Variants in SPAG16 observed in about 807,000 individuals in gnomAD.
SPAG16 encodes the protein sperm associated antigen 16.
Under a neutral mutation model 80.4 loss-of-function variants are expected in SPAG16, and 86 were observed. The ratio of observed to expected loss-of-function variants is 1.07; its 90% CI spans 0.90 to 1.28. The LOEUF is 1.28. SPAG16 is among the 50% of genes most tolerant of loss of function. SPAG16 has a pLI of 0.00. For synonymous variants in SPAG16, 294 were observed against 265.9 expected, an observed-to-expected ratio of 1.11 and a Z score of -1.03; for missense variants, 870 against 765.3, an observed-to-expected ratio of 1.14 and a Z score of -1.61.
In SPAG16 at chr2:213,929,936, G is replaced by A. The variant is rs754027519; in HGVS notation, c.1215-24G>A. ...AATTATGTTACTTTTTAAACAAGCT[G>A]TCTTTTTATGTTTTTGCAAATAGTG... On this transcript the variant is annotated intron_variant, in intron 11 of 15. Transcript: ENST00000331683. 5 of 1,593,850 alleles carry A rather than the reference G, an allele frequency of 3.1e-6. No individual in the cohort carries two copies. The African/African-American group carries it at 5.4e-5, about 17-fold the overall frequency.
chr2:214,270,911 AAAGTAT>A (rs1351411186), intron 15 of SPAG16, among the ~76,000 whole-genome samples: 1 of 152,184 alleles, frequency 6.6e-6, no homozygotes, highest in Non-Finnish European at 1.5e-5. Context: ...CTTCTAAAAC[AAAGTAT>A]AAGTTCCATG....
chr2:214,272,751 T>TA (rs1692129481), intron 15 of SPAG16, among the ~76,000 whole-genome samples: 1 of 152,214 alleles, frequency 6.6e-6, no homozygotes, highest in Non-Finnish European at 1.5e-5. Flanking sequence ...GCAATAAACA[T>TA]ACGTGTGCAT....
intron 10 of SPAG16, among the ~76,000 whole-genome samples, chr2:213,492,377 T>C (rs577826710): frequency 5.4e-4 from 82 of 151,914 alleles, no homozygotes; most frequent in South Asian, 3.7e-3. Context: ...AGTGAAACCC[T>C]CTCTCTACTA....
intron 15 of SPAG16, among the ~76,000 whole-genome samples, chr2:214,162,336 A>C (rs572637454): frequency 6.6e-6 from 1 of 152,290 alleles, no homozygotes; most frequent in South Asian, 2.1e-4. Flanking sequence ...TTAACATTCC[A>C]TTGACCATAA....
At chr2:213,470,843 T>C (rs1359321737) in intron 9 of SPAG16, among the ~76,000 whole-genome samples, 1 of 152,224 alleles carries the variant, frequency 6.6e-6, no homozygotes. Context: ...GATACAAATA[T>C]CTTCACAGTT....
chr2:213,952,576 C>T (rs1407382287), intron 12 of SPAG16, among the ~76,000 whole-genome samples: 4 of 151,900 alleles, frequency 2.6e-5, no homozygotes, highest in Non-Finnish European at 5.9e-5. Context: ...CTTCACTGGG[C>T]CAACACACAG....
chr2:213,866,181 T>C (rs929406711), intron 11 of SPAG16, among the ~76,000 whole-genome samples: 3 of 151,954 alleles, frequency 2.0e-5, no homozygotes, highest in African/African-American at 7.2e-5. Context: ...ATTTTTAGTT[T>C]CATTACCTAG....
In SPAG16 at chr2:213,690,530, A is replaced by G. The variant is rs145323819; in HGVS notation, c.1071-171955A>G. 2.9e-3 allele frequency among the ~76,000 whole-genome samples: 442 copies of G among 152,354 alleles called. 2 individuals are homozygous for G. The highest frequency in any genetic ancestry group is 9.1e-3 in the African/African-American group (379 of 41,598). The stretch of plus-strand genomic sequence containing the variant: ...GGGATGCCTAGATGGCTGATGAAGC[A>G]TGTTAATAGATGTGTCTGTGAGGGA... On this transcript the variant is annotated intron_variant, in intron 10 of 15. Transcript: ENST00000331683.
At chr2:213,979,140 G>A (rs1346752351) in intron 12 of SPAG16, among the ~76,000 whole-genome samples, 3 of 152,012 alleles carry the variant, frequency 2.0e-5, no homozygotes, top group African/African-American at 4.8e-5. Flanking sequence ...TAGACAGGGT[G>A]TACAGAAGGG....
rs190017345 is a variant in SPAG16 at position 213,999,454 on chromosome 2, C to A, written c.1401-14497C>A. Among the ~76,000 whole-genome samples, 374 of 152,302 alleles carry A rather than the reference C, an allele frequency of 2.5e-3. 2 individuals carry two copies. The highest frequency in any genetic ancestry group is 8.6e-3 in the African/African-American group (357 of 41,560). ...GATTTGAGAACATGTATGGAAATGCCTGGATGTCCAGGCAGAAGTTTGCTG... is the reference window on the plus strand; with the variant it reads ...GATTTGAGAACATGTATGGAAATGCATGGATGTCCAGGCAGAAGTTTGCTG... On this transcript the variant is annotated intron_variant, in intron 12 of 15. Transcript: ENST00000331683.
At chr2:214,232,706 A>G (rs1688788223) in intron 15 of SPAG16, among the ~76,000 whole-genome samples, 1 of 152,014 alleles carries the variant, frequency 6.6e-6, no homozygotes, top group Non-Finnish European at 1.5e-5. Flanking sequence ...TATAATAACA[A>G]ATGAATTATA....
intron 10 of SPAG16, among the ~76,000 whole-genome samples, chr2:213,838,714 A>T (rs1013006929): frequency 6.6e-6 from 1 of 152,252 alleles, no homozygotes; most frequent in Non-Finnish European, 1.5e-5. Flanking sequence ...ACAGAGCACA[A>T]GAAGCTGATT....
intron 13 of SPAG16, among the ~76,000 whole-genome samples, chr2:214,059,186 CTATATATATATATATA>C (rs36006046): frequency 8.7e-6 from 1 of 114,390 alleles, no homozygotes; most frequent in Non-Finnish European, 1.7e-5. Context: ...CTCTCTCTGT[CTATATATATATATATA>C]TATATATATA....
chr2:213,296,164 T>C lies in SPAG16; in HGVS notation c.183+54T>C, dbSNP rs748358555. On this transcript the variant is annotated intron_variant, in intron 2 of 15. Coordinates refer to ENST00000331683, the MANE Select transcript of SPAG16 (RefSeq NM_024532.5). ...TGTAAATTTATTGCAGTCATTCTCA[T>C]GAAATGCTCATTTTATTTTCTGAAA... 3.2e-6 allele frequency: 4 copies of C among 1,251,210 alleles called. No homozygotes were observed. In the Admixed American group the frequency reaches 7.2e-5, roughly 22 times the overall value. The allele number at this position is 1,251,210 out of a possible 1,614,324, so 77.5% of individuals were successfully genotyped here. A position where few individuals can be genotyped will look rare whatever the true frequency, so the allele number is the denominator to read the frequency against.
chr2:213,921,059 G>A (rs929131974), intron 11 of SPAG16, among the ~76,000 whole-genome samples: 3 of 152,162 alleles, frequency 2.0e-5, no homozygotes, highest in Non-Finnish European at 4.4e-5. Flanking sequence ...GTAGCCTCCT[G>A]TAGGGTTCCC....
chr2:213,764,349 T>C (rs931810922), intron 10 of SPAG16, among the ~76,000 whole-genome samples: 3 of 151,964 alleles, frequency 2.0e-5, no homozygotes, highest in African/African-American at 7.3e-5. Flanking sequence ...TTTATCAGCA[T>C]GGGTGACATT....
intron 15 of SPAG16, among the ~76,000 whole-genome samples, chr2:214,207,811 C>G (rs2058185891): frequency 6.6e-6 from 1 of 152,192 alleles, no homozygotes; most frequent in Non-Finnish European, 1.5e-5. Flanking sequence ...GAAGGTATGA[C>G]AAGCTGGCTT....
At chr2:213,993,631 T>C (rs779208998) in intron 12 of SPAG16, among the ~76,000 whole-genome samples, 1 of 152,160 alleles carries the variant, frequency 6.6e-6, no homozygotes, top group Non-Finnish European at 1.5e-5. Flanking sequence ...TAAGAAAGAT[T>C]TGCTTAATAG....
chr2:214,284,610 C>T (rs951076800), intron 15 of SPAG16, among the ~76,000 whole-genome samples: 5 of 152,030 alleles, frequency 3.3e-5, no homozygotes, highest in East Asian at 1.9e-4. Flanking sequence ...GAGGTCTTTG[C>T]GCAGTACTCT....
Sources: gnomAD v4.1 joint callset for allele counts (sites outside exome capture counted in the v4.1 genomes callset) on GRCh38, gnomAD v4.1.1 for gene constraint, MANE v1.5 for transcripts, NCBI Gene and HGNC (gene_info 2026-07-23, HGNC 2026-07-21) for gene names.